Variants in RASEF observed in about 807,000 individuals in gnomAD.
RASEF encodes the protein RAS and EF-hand domain containing.
In RASEF, 68 loss-of-function variants were observed where a neutral mutation model predicts 90.1. That is an observed-to-expected ratio of 0.75 (90% confidence interval 0.62 to 0.92). The LOEUF (loss-of-function observed/expected upper bound fraction) is 0.92, where lower values mean the gene tolerates loss of function less well. Among genes scored for constraint, RASEF ranks in the 40% least tolerant of loss-of-function variants. The pLI is 0.00. For missense variants in RASEF, 949 were observed against 937.2 expected (o/e 1.01, Z -0.16); for synonymous variants, 331 against 345.2 (o/e 0.96, Z 0.46).
At chr9:82,984,784 G>T (rs951547196) in intron 16 of RASEF, among the ~76,000 whole-genome samples, 5 of 152,166 alleles carry the variant, frequency 3.3e-5, no homozygotes, top group Admixed American at 2.0e-4. Flanking sequence ...GCAAAATCTT[G>T]GTCGTTCTGT....
rs1180606289 is a variant in RASEF, at chr9:83,057,199, C to T, written c.431+5238G>A. Among the ~76,000 whole-genome samples the T allele has an allele frequency of 2.0e-5, 3 of 152,210 alleles. No homozygotes were observed. The East Asian group carries it at 5.8e-4, about 29-fold the overall frequency. On this transcript the variant is annotated intron_variant, in intron 1 of 16. Transcript: ENST00000376447. The stretch of plus-strand genomic sequence containing the variant: ...GGAAGTCCTAGCCAGAGCAATCAGG[C>T]AAGAGAAAGAAATAAACCCATCCAA...
chr9:83,115,887 A>G, the RASEF span, among the ~76,000 whole-genome samples: 1 of 149,348 alleles, frequency 6.7e-6, no homozygotes, highest in African/African-American at 2.6e-5. Context: ...AAATTGCTAA[A>G]AAAAAAAGCT....
At chr9:83,200,763 C>G in the RASEF span, among the ~76,000 whole-genome samples, 119,011 of 152,054 alleles carry the variant, frequency 0.78, 47,402 homozygotes, top group East Asian at 0.96. Flanking sequence ...AGTGAGCTTG[C>G]TACATGAATT....
At chr9:83,031,768 A>G (rs1587509160) in intron 1 of RASEF, among the ~76,000 whole-genome samples, 1 of 152,238 alleles carries the variant, frequency 6.6e-6, no homozygotes, top group Admixed American at 6.5e-5. Flanking sequence ...GAAAGCATGA[A>G]TAAGATAAAA....
At chr9:83,194,014 G>A in the RASEF span, among the ~76,000 whole-genome samples, 2 of 152,164 alleles carry the variant, frequency 1.3e-5, no homozygotes, top group Non-Finnish European at 2.9e-5. Context: ...TGGATGTACA[G>A]GAAAGCAGAA....
At chr9:83,152,735 TACACAC>T in the RASEF span, among the ~76,000 whole-genome samples, 6 of 150,714 alleles carry the variant, frequency 4.0e-5, no homozygotes, top group Non-Finnish European at 7.4e-5. Context: ...CAGACACACA[TACACAC>T]ACACACACAC....
intron 4 of RASEF, among the ~76,000 whole-genome samples, chr9:83,013,650 C>G (rs1829290197): frequency 6.6e-6 from 1 of 152,172 alleles, no homozygotes; most frequent in South Asian, 2.1e-4. Context: ...TGAGAAAGCA[C>G]AAACTGTGTA....
At chr9:83,049,442 G>T in intron 1 of RASEF, 1 of 610,156 alleles carries the variant, frequency 1.6e-6, no homozygotes, top group Non-Finnish European at 2.0e-6. Flanking sequence ...TTTCTATTTA[G>T]ACCACAGAAA....
the RASEF span, among the ~76,000 whole-genome samples, chr9:83,207,683 C>T: frequency 1.1e-4 from 16 of 146,140 alleles, no homozygotes; most frequent in African/African-American, 4.1e-4. Context: ...TCTCAGCTCA[C>T]TGCAACCTCT....
At chr9:83,007,607 T>G in intron 6 of RASEF, 102 bp from the exon 7 acceptor site, 1 of 839,206 alleles carries the variant, frequency 1.2e-6, no homozygotes, top group Non-Finnish European at 2.0e-6. Context: ...CAAAGACGAG[T>G]GTCCTTGGCC....
At chr9:83,209,230 G>A in the RASEF span, among the ~76,000 whole-genome samples, 1 of 152,348 alleles carries the variant, frequency 6.6e-6, no homozygotes, top group Admixed American at 6.5e-5. Flanking sequence ...TCACTTGGAT[G>A]TCTTGGGAAG....
At chr9:83,083,693 C>T in the RASEF span, among the ~76,000 whole-genome samples, 1 of 151,850 alleles carries the variant, frequency 6.6e-6, no homozygotes, top group Admixed American at 6.6e-5. Context: ...AATAAGACAC[C>T]CCCTATGTAA....
chr9:83,015,779 T>C (rs1829332018), intron 4 of RASEF, 26 bp downstream of exon 4: 1 of 1,551,514 alleles, frequency 6.4e-7, no homozygotes, highest in East Asian at 2.2e-5. Context: ...AGGCTGTTCC[T>C]ACAAGTCCAG....
chr9:83,161,443 A>G, the RASEF span, among the ~76,000 whole-genome samples: 1 of 152,110 alleles, frequency 6.6e-6, no homozygotes, highest in Non-Finnish European at 1.5e-5. Context: ...TTCTTTGGGC[A>G]TATTTCTCCC....
chr9:83,074,111 G>C, the RASEF span, among the ~76,000 whole-genome samples: 1 of 152,150 alleles, frequency 6.6e-6, no homozygotes, highest in Non-Finnish European at 1.5e-5. Flanking sequence ...GATATGTCAT[G>C]AAATACTTTG....
At chr9:83,074,198 T>A in the RASEF span, among the ~76,000 whole-genome samples, 2 of 152,106 alleles carry the variant, frequency 1.3e-5, no homozygotes, top group Non-Finnish European at 2.9e-5. Flanking sequence ...ATCTTCAATC[T>A]AACAACAACA....
chr9:83,127,795 G>A, the RASEF span, among the ~76,000 whole-genome samples: 1 of 152,144 alleles, frequency 6.6e-6, no homozygotes, highest in Non-Finnish European at 1.5e-5. Flanking sequence ...CTACCAAGAT[G>A]CATACCCCAG....
chr9:83,087,405 T>TTCATTCTC, the RASEF span, among the ~76,000 whole-genome samples: 1 of 115,532 alleles, frequency 8.7e-6, no homozygotes, highest in African/African-American at 3.3e-5. Context: ...TTCTCATTCA[T>TTCATTCTC]TCTCTCTCTC....
chr9:83,192,109 A>G, the RASEF span, among the ~76,000 whole-genome samples: 4 of 152,166 alleles, frequency 2.6e-5, no homozygotes, highest in African/African-American at 9.7e-5. Context: ...TGTTGGTGGG[A>G]GTGTAAATTA....
Sources: gnomAD v4.1 joint callset for allele counts (sites outside exome capture counted in the v4.1 genomes callset) on GRCh38, gnomAD v4.1.1 for gene constraint, MANE v1.5 for transcripts, NCBI Gene and HGNC (gene_info 2026-07-23, HGNC 2026-07-21) for gene names.